Variants in RBL2 observed in about 807,000 individuals in gnomAD.
RBL2 encodes RB transcriptional corepressor like 2.
Under a neutral mutation model 126.0 loss-of-function variants are expected in RBL2, and 56 were observed. The ratio of observed to expected loss-of-function variants is 0.44; its 90% confidence interval spans 0.36 to 0.56. The LOEUF is 0.56. Among genes scored for constraint, RBL2 ranks in the 20% least tolerant of loss-of-function variants. RBL2 has a pLI of 0.00. For missense variants in RBL2, 1,229 were observed against 1,398.2 expected (o/e 0.88, Z 1.93); for synonymous variants, 454 against 478.5 (o/e 0.95, Z 0.67).
At chr16:53,442,603 T>A (rs887104988) in intron 2 of RBL2, 55 bp from the exon 3 acceptor site, 1 of 1,303,738 alleles carries the variant, frequency 7.7e-7, no homozygotes, top group African/African-American at 1.5e-5. Flanking sequence ...TACTTACTTT[T>A]GTATACTTTA....
chr16:53,476,769 T>C lies in RBL2; in HGVS notation c.2704-2385T>C, dbSNP rs562657526. ...TAACTTTTTTTGTCCTGAAGTCTGATTTATAGTGTGAGATATATAGTCACC... is the reference window on the plus strand; with the variant it reads ...TAACTTTTTTTGTCCTGAAGTCTGACTTATAGTGTGAGATATATAGTCACC... On this transcript the variant is annotated intron_variant, in intron 17 of 21. Transcript: ENST00000262133. 1.1e-3 allele frequency among the ~76,000 whole-genome samples: 162 copies of C among 152,338 alleles called. 2 individuals are homozygous for C. The South Asian group carries it at 0.032, about 30-fold the overall frequency.
chr16:53,437,858 T>G (rs1273472733), intron 1 of RBL2, among the ~76,000 whole-genome samples: 2 of 151,714 alleles, frequency 1.3e-5, no homozygotes, highest in Admixed American at 1.3e-4. Context: ...AAACCCAGTC[T>G]CTACTAAAAA....
chr16:53,457,258 C>CTTTTTTTTTTTTTTCTTTTTT (rs2058177665), intron 8 of RBL2, among the ~76,000 whole-genome samples: 1 of 89,954 alleles, frequency 1.1e-5, no homozygotes, highest in Non-Finnish European at 2.0e-5. Flanking sequence ...GTACAGATAG[C>CTTTTTTTTTTTTTTCTTTTTT]TTTTTTTTTT....
intron 21 of RBL2, among the ~76,000 whole-genome samples, chr16:53,486,125 G>GGA (rs1197740941): frequency 2.8e-4 from 26 of 92,172 alleles, no homozygotes; most frequent in African/African-American, 1.1e-3. Flanking sequence ...CCTTGTCTCT[G>GGA]AAAAAAAAAA....
rs1160844763 is a variant in RBL2 at position 53,446,963 on chromosome 16, C to T, written c.573-79C>T. 7.4e-6 allele frequency: 6 copies of T among 814,550 alleles called. No homozygotes were observed. The Admixed American group carries it at 1.2e-4, about 16-fold the overall frequency. The allele number at this position is 814,550 out of a possible 1,614,324, so 50.5% of individuals were successfully genotyped here. A position where few individuals can be genotyped will look rare whatever the true frequency, so the allele number is the denominator to read the frequency against. On this transcript the variant is annotated intron_variant, in intron 3 of 21. Transcript: ENST00000262133. ...CCCTTTAACTGTGGGTTTTATTTTA[C>T]ACCTGATTTATAATCATTTGGGATT...
intron 2 of RBL2, 83 bp downstream of exon 2, chr16:53,439,229 A>G: frequency 7.9e-7 from 1 of 1,262,210 alleles, no homozygotes; most frequent in Non-Finnish European, 1.0e-6. Context: ...ATCTCTGTTT[A>G]TCATTTTCTG....
intron 21 of RBL2, chr16:53,489,236 A>G (rs1242960595): frequency 6.6e-6 from 1 of 152,202 alleles, no homozygotes; most frequent in Admixed American, 6.6e-5. Flanking sequence ...GAAGTGAATC[A>G]GAGTATAAAT....
intron 1 of RBL2, among the ~76,000 whole-genome samples, chr16:53,437,576 A>G (rs1598083724): frequency 6.6e-6 from 1 of 152,308 alleles, no homozygotes; most frequent in Admixed American, 6.5e-5. Context: ...TTTGAATGAT[A>G]TCTGGTAGTG....
chr16:53,457,277 T>TTTTTTTTTTTTTTTTTTTTTTTTTTTTTG (rs1213898728), intron 8 of RBL2, among the ~76,000 whole-genome samples: 6 of 139,976 alleles, frequency 4.3e-5, no homozygotes, highest in Non-Finnish European at 9.4e-5. Context: ...TTTTTTTTTT[T>TTTTTTTTTTTTTTTTTTTTTTTTTTTTTG]GAGATGGAGT....
At chr16:53,442,292 C>T (rs996101590) in intron 2 of RBL2, among the ~76,000 whole-genome samples, 2 of 152,114 alleles carry the variant, frequency 1.3e-5, no homozygotes, top group East Asian at 1.9e-4. Context: ...GGTGATAGAA[C>T]GAAACCCTAT....
At chr16:53,456,560 T>G (rs1238911319) in intron 8 of RBL2, among the ~76,000 whole-genome samples, 1 of 152,158 alleles carries the variant, frequency 6.6e-6, no homozygotes, top group Admixed American at 6.5e-5. Context: ...GTGAATGATA[T>G]AAAAGCTAAA....
intron 21 of RBL2, 74 bp downstream of exon 21, chr16:53,481,909 G>A: frequency 6.7e-7 from 1 of 1,492,598 alleles, no homozygotes; most frequent in Non-Finnish European, 9.3e-7. Flanking sequence ...TTTGTGCTAA[G>A]CTTAGGCACT....
rs565287406 is a variant in RBL2 at position 53,473,983 on chromosome 16, T to G, written c.2703+3061T>G. Reference sequence around the variant, plus strand: ...TTAAACCAGCCTTGCATTTCTGGTGTAAATCCCTCTCAGTCATGGTGTGTA... The same window carrying G: ...TTAAACCAGCCTTGCATTTCTGGTGGAAATCCCTCTCAGTCATGGTGTGTA... On this transcript the variant is annotated intron_variant, in intron 17 of 21. Transcript: ENST00000262133. Among the ~76,000 whole-genome samples, 4 of 152,254 alleles carry G rather than the reference T, an allele frequency of 2.6e-5. No individual in the cohort carries two copies. The East Asian group carries it at 7.7e-4, about 29-fold the overall frequency.
At chr16:53,481,020 G>T (rs904687675) in intron 20 of RBL2, 2 of 327,540 alleles carry the variant, frequency 6.1e-6, no homozygotes, top group South Asian at 6.8e-5. Context: ...TGAGCTGGGC[G>T]TGGTGGCACA....
chr16:53,480,241 A>G (rs1960889710), intron 19 of RBL2: 1 of 531,604 alleles, frequency 1.9e-6, no homozygotes, highest in African/African-American at 1.9e-5. Context: ...AGTTCCAGAA[A>G]GGTCTGATAT....
intron 3 of RBL2, among the ~76,000 whole-genome samples, chr16:53,446,671 A>C (rs1187425937): frequency 1.3e-5 from 2 of 152,208 alleles, no homozygotes; most frequent in African/African-American, 4.8e-5. Flanking sequence ...GTCATTAGCT[A>C]TGATAAAGGA....
intron 13 of RBL2, 65 bp from the exon 14 acceptor site, chr16:53,466,993 C>T (rs1382991176): frequency 5.5e-6 from 6 of 1,093,404 alleles, no homozygotes; most frequent in South Asian, 4.0e-5. Flanking sequence ...CCTTAGATTA[C>T]TATTGTATTT....
chr16:53,470,256 C>CT, intron 15 of RBL2, 71 bp downstream of exon 15: 1 of 1,561,316 alleles, frequency 6.4e-7, no homozygotes, highest in Non-Finnish European at 8.7e-7. Flanking sequence ...CGAGGTTTGG[C>CT]TAGAGTGACA....
chr16:53,441,084 C>A (rs1352131569), intron 2 of RBL2, among the ~76,000 whole-genome samples: 1 of 151,362 alleles, frequency 6.6e-6, no homozygotes, highest in Non-Finnish European at 1.5e-5. Context: ...TTCAGCCTCC[C>A]GGAGTAGCTG....
Sources: gnomAD v4.1 joint callset for allele counts (sites outside exome capture counted in the v4.1 genomes callset) on GRCh38, gnomAD v4.1.1 for gene constraint, MANE v1.5 for transcripts, NCBI Gene and HGNC (gene_info 2026-07-23, HGNC 2026-07-21) for gene names.